CLTB: variants seen among roughly 807,000 people sequenced by gnomAD.
CLTB encodes clathrin, light chain (Lcb).
In CLTB, 10 loss-of-function variants were observed where a neutral mutation model predicts 30.5. The ratio of observed to expected loss-of-function variants is 0.33; its 90% CI spans 0.20 to 0.56. CLTB has a LOEUF of 0.56. Ranked by LOEUF, CLTB falls within the 20% of genes least tolerant of loss-of-function variation. The probability of loss-of-function intolerance (pLI) is 0.91; values close to 1 mark genes in which losing one functional copy is unlikely to be tolerated. For synonymous variants in CLTB, 102 were observed against 120.3 expected (o/e 0.85, Z 1.00); for missense variants, 261 against 308.3 (o/e 0.85, Z 1.15).
At chr5:176,408,840 A>T (rs969590686) in intron 2 of CLTB, among the ~76,000 whole-genome samples, 8 of 152,224 alleles carry the variant, frequency 5.3e-5, no homozygotes, top group Non-Finnish European at 1.2e-4. Flanking sequence ...CGTTTTTTGC[A>T]GGATAAAAAC....
chr5:176,405,294 G>C (rs1453316103), intron 2 of CLTB, among the ~76,000 whole-genome samples: 2 of 151,960 alleles, frequency 1.3e-5, no homozygotes, highest in African/African-American at 4.8e-5. Context: ...CTCGAGACCA[G>C]CCTGGCCAAT....
chr5:176,409,667 G>A (rs963742308), intron 2 of CLTB, among the ~76,000 whole-genome samples: 43 of 151,928 alleles, frequency 2.8e-4, no homozygotes, highest in Non-Finnish European at 5.9e-5. Context: ...ACCCACCTCA[G>A]CCTCCCAAAG....
At chr5:176,405,503 A>AAAAAAAAAAAAG (rs1757061533) in intron 2 of CLTB, 1 of 144,024 alleles carries the variant, frequency 6.9e-6, no homozygotes, top group African/African-American at 2.5e-5. Flanking sequence ...AAAAAAAAAA[A>AAAAAAAAAAAAG]AAAAAGAAAA....
intron 1 of CLTB, among the ~76,000 whole-genome samples, chr5:176,415,068 T>G (rs1757628285): frequency 6.6e-6 from 1 of 152,200 alleles, no homozygotes. Context: ...GATGTACCCA[T>G]GAAGGTGATA....
intron 1 of CLTB, among the ~76,000 whole-genome samples, chr5:176,415,438 TTTA>T (rs1757645339): frequency 6.6e-6 from 1 of 151,848 alleles, no homozygotes; most frequent in African/African-American, 2.4e-5. Flanking sequence ...ATCCCAACAC[TTTA>T]GGAGGCAGAG....
intron 5 of CLTB, among the ~76,000 whole-genome samples, chr5:176,394,496 A>G (rs578166055): frequency 6.6e-6 from 1 of 151,946 alleles, no homozygotes; most frequent in Middle Eastern, 3.4e-3. Context: ...ACATGGTGAA[A>G]CCCCATCTCT....
At chr5:176,398,119 G>T in intron 2 of CLTB, 72 bp from the exon 3 acceptor site, 1 of 1,381,794 alleles carries the variant, frequency 7.2e-7, no homozygotes, top group South Asian at 1.2e-5. Flanking sequence ...CCCTGCTGGG[G>T]ACCCACTCAT....
At chr5:176,395,890 T>C (rs916351360) in intron 5 of CLTB, among the ~76,000 whole-genome samples, 2 of 152,168 alleles carry the variant, frequency 1.3e-5, no homozygotes, top group African/African-American at 2.4e-5. Context: ...ATCCCAGCAC[T>C]TTGGGAGGCC....
At chr5:176,406,484 G>A (rs1757126774) in intron 2 of CLTB, 3 of 1,199,562 alleles carry the variant, frequency 2.5e-6, no homozygotes, top group Non-Finnish European at 3.2e-6. Context: ...CTAAATCTAA[G>A]CTAAGCTGAG....
chr5:176,411,159 T>C (rs1581447260), intron 1 of CLTB, among the ~76,000 whole-genome samples: 1 of 152,166 alleles, frequency 6.6e-6, no homozygotes, highest in East Asian at 1.9e-4. Flanking sequence ...CAATAATTAT[T>C]TGTTGAATAA....
At chr5:176,416,542 G>A (rs1170791071), upstream of CLTB, 4 of 351,834 alleles carry the variant, frequency 1.1e-5, no homozygotes, top group South Asian at 1.3e-4. Context: ...CTGTCACTGC[G>A]GTGCGGGCGC....
In CLTB at chr5:176,408,228, T is replaced by TC. The variant is rs201413761; in HGVS notation, c.234+2028_234+2029insG. ...AAATACACTTACTAGGGTTTTCCTCTTTTTTTTTTTTTTAAGACTGTCATG... is the reference window on the plus strand; with the variant it reads ...AAATACACTTACTAGGGTTTTCCTCTCTTTTTTTTTTTTTAAGACTGTCATG... On this transcript the variant is annotated intron_variant, in intron 2 of 5. Coordinates refer to ENST00000310418, the MANE Select transcript of CLTB (RefSeq NM_007097.5). 1.1e-4 allele frequency among the ~76,000 whole-genome samples: 10 copies of TC among 90,898 alleles called. No homozygotes were observed. In the South Asian group the frequency reaches 3.9e-3, roughly 35 times the overall value. The allele number at this position is 90,898 out of a possible 152,430, so 59.6% of individuals were successfully genotyped here. A position where few individuals can be genotyped will look rare whatever the true frequency, so the allele number is the denominator to read the frequency against.
chr5:176,403,411 C>T (rs1756933133), intron 2 of CLTB, among the ~76,000 whole-genome samples: 1 of 151,586 alleles, frequency 6.6e-6, no homozygotes, highest in Admixed American at 6.6e-5. Flanking sequence ...TTAATCTTCG[C>T]AACCCTACAT....
In CLTB at chr5:176,410,254, T is replaced by C. The variant is rs1169833358; in HGVS notation, c.234+3A>G. On this transcript the variant is annotated splice_donor_region_variant and intron_variant, in intron 2 of 5. Transcript: ENST00000310418. The stretch of plus-strand genomic sequence containing the variant: ...ACCACTGCTGAGACAGAGCCTTGCT[T>C]ACCTGAAACACATCTCCATTGACTG... 1 of 1,613,890 alleles carries C rather than the reference T, an allele frequency of 6.2e-7. No individual in the cohort carries two copies. Among genetic ancestry groups the C allele is most frequent in the East Asian group, 2.2e-5 (1 of 44,886 alleles).
At chr5:176,407,819 C>T (rs1169298981) in intron 2 of CLTB, among the ~76,000 whole-genome samples, 2 of 152,212 alleles carry the variant, frequency 1.3e-5, no homozygotes, top group Non-Finnish European at 2.9e-5. Context: ...TAGAGATGGA[C>T]TTTTCCAGCT....
intron 2 of CLTB, chr5:176,405,540 G>C (rs1165379088): frequency 6.6e-6 from 1 of 150,766 alleles, no homozygotes; most frequent in African/African-American, 2.5e-5. Context: ...AAAAAAGAGA[G>C]CTCTTTGGAG....
At chr5:176,407,495 G>C (rs1308980249) in intron 2 of CLTB, 1 of 152,138 alleles carries the variant, frequency 6.6e-6, no homozygotes, top group Non-Finnish European at 1.5e-5. Flanking sequence ...GTAGAGACAG[G>C]GTTTCTCCAT....
At position 176,410,376 on chromosome 5, in the gene CLTB, C is replaced by T. The variant is rs1757363281; in HGVS notation, c.188-73G>A. ...CAAGCAGGAAATGGTCCTACATTAGCCCCTCAACCCAAACTCTGTGTATAC... is the reference window on the plus strand; with the variant it reads ...CAAGCAGGAAATGGTCCTACATTAGTCCCTCAACCCAAACTCTGTGTATAC... On this transcript the variant is annotated intron_variant, in intron 1 of 5. Coordinates refer to ENST00000310418, the MANE Select transcript of CLTB (RefSeq NM_007097.5). The T allele has an allele frequency of 3.1e-6, 4 of 1,290,924 alleles. No individual in the cohort carries two copies. The Admixed American group carries it at 7.4e-5, about 24-fold the overall frequency. The allele number at this position is 1,290,924 out of a possible 1,614,324, so 80.0% of individuals were successfully genotyped here. A position where few individuals can be genotyped will look rare whatever the true frequency, so the allele number is the denominator to read the frequency against.
At position 176,397,834 on chromosome 5, in the gene CLTB, A is replaced by G. The variant is rs1056324434; in HGVS notation, c.352+96T>C. On this transcript the variant is annotated intron_variant, in intron 3 of 5. Coordinates refer to ENST00000310418, the MANE Select transcript of CLTB (RefSeq NM_007097.5). ...CAGGGCCGCACCGGCCCAGTCCCAC[A>G]TTAAGGCATGCAGCATCCCATGCAC... The G allele has an allele frequency of 2.9e-5, 42 of 1,470,770 alleles. 1 individual carries two copies. Among genetic ancestry groups the G allele is most frequent in the African/African-American group, 9.7e-5 (7 of 71,968 alleles). 91.1% of individuals were successfully genotyped at this position (1,470,770 alleles called of 1,614,324 possible).
Sources: allele counts gnomAD v4.1 joint callset (sites outside exome capture counted in the v4.1 genomes callset), GRCh38; gene constraint gnomAD v4.1.1; transcripts MANE v1.5; gene names NCBI Gene and HGNC (gene_info 2026-07-23, HGNC 2026-07-21).